MTCL1: variants seen among roughly 807,000 people sequenced by gnomAD.
MTCL1 encodes the protein microtubule crosslinking factor 1.
MTCL1 carries 79 observed loss-of-function variants against 141.4 expected under a neutral mutation model. The observed-to-expected ratio is 0.56, with a 90% confidence interval of 0.47 to 0.67. The LOEUF is 0.67. Ranked by LOEUF, MTCL1 falls within the 30% of genes least tolerant of loss-of-function variation. The probability of loss-of-function intolerance (pLI) is 0.00; values close to 1 mark genes in which losing one functional copy is unlikely to be tolerated. For missense variants in MTCL1, 2,177 were observed against 2,113.9 expected (o/e 1.03, Z -0.59); for synonymous variants, 914 against 875.8 (o/e 1.04, Z -0.77).
intron 1 of MTCL1, among the ~76,000 whole-genome samples, chr18:8,711,654 T>G (rs2148765999): frequency 6.6e-6 from 1 of 152,000 alleles, no homozygotes; most frequent in Middle Eastern, 3.4e-3. Flanking sequence ...TGGTGAGCAT[T>G]TTTTCATGTG....
At chr18:8,783,777 G>A (rs2096540740) in exon 6 of MTCL1, 5 of 1,613,242 alleles carry the variant, frequency 3.1e-6, no homozygotes, top group African/African-American at 1.3e-5. Flanking sequence ...AACATCTTGG[G>A]CCGGAAGATC....
In MTCL1 at chr18:8,822,788, C is replaced by T. The variant is rs2144420657; in HGVS notation, c.3188+1290C>T. Among the ~76,000 whole-genome samples, 1 of 152,244 alleles carries T rather than the reference C, an allele frequency of 6.6e-6. No homozygotes were observed. Among genetic ancestry groups the T allele is most frequent in the Non-Finnish European group, 1.5e-5 (1 of 68,010 alleles). On this transcript the variant is annotated intron_variant, in intron 14 of 16. Transcript: ENST00000359865. This position sits in a 1 kb window ranked among gnomAD's most constrained non-coding sequence, Gnocchi z 4.6. ...ACAGAGTTTAGTCATTACACCCTCC[C>T]ACCTTCCCCGTTCACAGCAGCAGCC...
chr18:8,724,645 GA>G (rs943659882), intron 4 of MTCL1, among the ~76,000 whole-genome samples: 2 of 152,078 alleles, frequency 1.3e-5, no homozygotes, highest in African/African-American at 4.8e-5. Context: ...TCTTTTGCAT[GA>G]CACAGCAGCC....
intron 16 of MTCL1, chr18:8,829,575 T>A: frequency 6.1e-6 from 6 of 984,862 alleles, no homozygotes; most frequent in Non-Finnish European, 7.2e-6. Flanking sequence ...TCCCTCAGAA[T>A]TGCTTTCAGA....
chr18:8,781,675 C>T (rs1340402421), intron 5 of MTCL1, among the ~76,000 whole-genome samples: 1 of 152,112 alleles, frequency 6.6e-6, no homozygotes, highest in East Asian at 1.9e-4. Context: ...CATATACAGA[C>T]CATTATTTCA....
At chr18:8,812,943 C>T in intron 11 of MTCL1, 36 bp from the exon 11 acceptor site, 3 of 1,584,030 alleles carry the variant, frequency 1.9e-6, no homozygotes, top group Admixed American at 3.5e-5. Context: ...CAAGACTTGT[C>T]AGAGAGGGAA....
At chr18:8,795,183 C>T (rs1331652231) in intron 8 of MTCL1, among the ~76,000 whole-genome samples, 1 of 152,242 alleles carries the variant, frequency 6.6e-6, no homozygotes, top group African/African-American at 2.4e-5. Context: ...AGAGCTGCCT[C>T]TGACTCTTCA....
intron 4 of MTCL1, among the ~76,000 whole-genome samples, chr18:8,732,230 G>C (rs750163129): frequency 6.6e-6 from 1 of 151,920 alleles, no homozygotes; most frequent in African/African-American, 2.4e-5. Flanking sequence ...GACTACAGGC[G>C]TGTGCCACCA....
intron 4 of MTCL1, among the ~76,000 whole-genome samples, chr18:8,726,804 T>C (rs1219940622): frequency 7.9e-5 from 12 of 152,198 alleles, no homozygotes; most frequent in Non-Finnish European, 1.8e-4. Flanking sequence ...TTAAAATTTC[T>C]TTAAATTTTA....
intron 4 of MTCL1, among the ~76,000 whole-genome samples, chr18:8,726,615 C>T (rs923657306): frequency 7.9e-5 from 12 of 151,956 alleles, no homozygotes; most frequent in African/African-American, 2.9e-4. Flanking sequence ...GGGGCCAAGG[C>T]CCCACCTCCA....
At chr18:8,764,526 C>T (rs761816947) in intron 4 of MTCL1, among the ~76,000 whole-genome samples, 1 of 152,132 alleles carries the variant, frequency 6.6e-6, no homozygotes, top group Non-Finnish European at 1.5e-5. Context: ...CCATGTTGGC[C>T]AGGCTGGTCT....
chr18:8,768,023 A>G (rs902357563), intron 4 of MTCL1, among the ~76,000 whole-genome samples: 9 of 152,228 alleles, frequency 5.9e-5, no homozygotes, highest in Non-Finnish European at 7.3e-5. Flanking sequence ...TTTAATGGCT[A>G]CACAATATTA....
chr18:8,813,263 T>C, intron 12 of MTCL1, 30 bp downstream of exon 11: 1 of 1,602,744 alleles, frequency 6.2e-7, no homozygotes, highest in South Asian at 1.1e-5. Context: ...CCCTGGAGCA[T>C]AGGCACAGAG....
chr18:8,770,243 G>C (rs1204469740), intron 4 of MTCL1, among the ~76,000 whole-genome samples: 1 of 152,172 alleles, frequency 6.6e-6, no homozygotes, highest in Non-Finnish European at 1.5e-5. Flanking sequence ...TAGTTTTCTT[G>C]TCTGTTACTC....
At chr18:8,785,172 C>T (rs2096547861) in intron 6 of MTCL1, among the ~76,000 whole-genome samples, 1 of 152,156 alleles carries the variant, frequency 6.6e-6, no homozygotes, top group Non-Finnish European at 1.5e-5. Context: ...GCATGCCGGC[C>T]TTGCTCCTCT....
At chr18:8,745,938 C>T (rs866311839) in intron 4 of MTCL1, among the ~76,000 whole-genome samples, 43 of 152,286 alleles carry the variant, frequency 2.8e-4, no homozygotes, top group African/African-American at 1.0e-3. Context: ...TATTTTCTAC[C>T]TCTATGAAAC....
In MTCL1 at chr18:8,809,588, C is replaced by G. The variant is rs1172481217; in HGVS notation, c.2604+2528C>G. ...TGAGAGGGGTGACTCTGAAGTAAAGCAGCAGCAGTGGAGAAGGAGTGGAGG... is the reference window on the plus strand; with the variant it reads ...TGAGAGGGGTGACTCTGAAGTAAAGGAGCAGCAGTGGAGAAGGAGTGGAGG... On this transcript the variant is annotated intron_variant, in intron 11 of 16. Transcript: ENST00000359865. The G allele has an allele frequency of 2.0e-6, 3 of 1,534,920 alleles. No homozygotes were observed. The East Asian group carries it at 7.3e-5, about 38-fold the overall frequency.
At chr18:8,755,956 A>G (rs1476712531) in intron 4 of MTCL1, among the ~76,000 whole-genome samples, 1 of 152,206 alleles carries the variant, frequency 6.6e-6, no homozygotes, top group African/African-American at 2.4e-5. Context: ...CCTGGTCACC[A>G]TAGCAAAACC....
intron 14 of MTCL1, 31 bp from the exon 14 acceptor site, chr18:8,824,668 G>C (rs752094594): frequency 6.4e-7 from 1 of 1,570,414 alleles, no homozygotes; most frequent in Non-Finnish European, 8.7e-7. Context: ...TCCCTGGCAG[G>C]TACTGACACC....
Sources: gnomAD v4.1 joint callset for allele counts (sites outside exome capture counted in the v4.1 genomes callset) on GRCh38, gnomAD v4.1.1 for gene constraint, Gnocchi (gnomAD v3.1) non-coding constraint, MANE v1.5 for transcripts, NCBI Gene and HGNC (gene_info 2026-07-23, HGNC 2026-07-21) for gene names.